The following CCNH variants were observed in gnomAD, a reference collection of about 807,000 sequenced individuals.
The protein encoded by CCNH is cyclin-H.
A neutral mutation model predicts 41.9 loss-of-function variants in CCNH; 31 were observed. That is an observed-to-expected ratio of 0.74 (90% CI 0.56 to 1.00). The LOEUF (loss-of-function observed/expected upper bound fraction) is 1.00, where lower values mean the gene tolerates loss of function less well. CCNH is among the 50% of genes least tolerant of loss of function. The probability of loss-of-function intolerance (pLI) is 0.00; values close to 1 mark genes in which losing one functional copy is unlikely to be tolerated. For synonymous variants in CCNH, 138 were observed against 136.1 expected, an observed-to-expected ratio of 1.01 and a Z score of -0.10; for missense variants, 362 against 388.4, an observed-to-expected ratio of 0.93 and a Z score of 0.57.
intron 9 of CCNH, among the ~76,000 whole-genome samples, chr5:87,322,476 C>G (rs1237958302): frequency 2.0e-5 from 3 of 152,212 alleles, no homozygotes; most frequent in Non-Finnish European, 4.4e-5. Context: ...TTGTCTTCCA[C>G]TAAATCAGTC....
chr5:87,334,000 C>T (rs1757776468), intron 9 of CCNH, among the ~76,000 whole-genome samples: 1 of 152,026 alleles, frequency 6.6e-6, no homozygotes, highest in South Asian at 2.1e-4. Flanking sequence ...TTAGTGGGAT[C>T]ATTTAGGACA....
downstream of CCNH, chr5:87,392,820 C>T (rs1350601341): frequency 6.4e-6 from 1 of 155,096 alleles, no homozygotes; most frequent in Non-Finnish European, 1.4e-5. Flanking sequence ...TAAAATCTCT[C>T]ACACTTTAAC....
chr5:87,358,905 T>A (rs1232517949), intron 9 of CCNH, among the ~76,000 whole-genome samples: 1 of 152,104 alleles, frequency 6.6e-6, no homozygotes, highest in Non-Finnish European at 1.5e-5. Context: ...AGCCTCACTC[T>A]TACATCTTTC....
At chr5:87,357,192 GGAAGA>G (rs1035778438) in intron 9 of CCNH, among the ~76,000 whole-genome samples, 2 of 151,612 alleles carry the variant, frequency 1.3e-5, no homozygotes, top group African/African-American at 2.4e-5. Flanking sequence ...CAGAGTAATT[GGAAGA>G]GAAGTTAGCC....
At chr5:87,384,612 C>T (rs973882547) in intron 9 of CCNH, among the ~76,000 whole-genome samples, 4 of 151,964 alleles carry the variant, frequency 2.6e-5, no homozygotes, top group South Asian at 2.1e-4. Flanking sequence ...TCTGGATGTT[C>T]GCCTCAGACA....
Position 87,412,722 on chromosome 5 carries a change from C to A in CCNH, c.73G>T (p.Asp25Tyr), listed in dbSNP as rs1764360635. The change falls in exon 1 of 9, where the codon GAC becomes TAC. Residue 25 changes from aspartate (D) to tyrosine (Y), a missense_variant. Asp to Tyr is a radical substitution (Grantham distance 160, BLOSUM62 -3). Transcript: ENST00000256897. ...SEEQLARLRADANRKFRCKAV... is the reference protein window; with the variant it reads ...SEEQLARLRAYANRKFRCKAV... ...TTGCATCTGAATTTGCGGTTGGCGTCAGCCCGCAGTCTTGCCAGCTGCTCC... is the reference window on the plus strand; with the variant it reads ...TTGCATCTGAATTTGCGGTTGGCGTAAGCCCGCAGTCTTGCCAGCTGCTCC... The A allele has an allele frequency of 6.2e-7, 1 of 1,614,092 alleles. No individual in the cohort carries two copies. The highest frequency in any genetic ancestry group is 1.3e-5 in the African/African-American group (1 of 74,942).
intron 9 of CCNH, among the ~76,000 whole-genome samples, chr5:87,326,909 G>T (rs902033912): frequency 6.6e-6 from 1 of 152,188 alleles, no homozygotes; most frequent in African/African-American, 2.4e-5. Flanking sequence ...CCCCAAATTA[G>T]ATGGAAAGTA....
At chr5:87,366,430 C>A in intron 9 of CCNH, 1 of 368,076 alleles carries the variant, frequency 2.7e-6, no homozygotes, top group Non-Finnish European at 5.5e-6. Context: ...GAAAGAATTG[C>A]CAGAGTAAAA....
chr5:87,374,456 TA>T (rs1374653099), downstream of CCNH: 15 of 270,270 alleles, frequency 5.6e-5, no homozygotes, highest in African/African-American at 1.8e-4. Context: ...TATATATATA[TA>T]TATTTTTTTT....
chr5:87,331,237 G>GT (rs1561286519), intron 9 of CCNH: 1 of 1,179,528 alleles, frequency 8.5e-7, no homozygotes, highest in Non-Finnish European at 1.3e-6. Context: ...AAATGTAAAT[G>GT]TTTAAGTTAC....
chr5:87,319,405 A>G (rs1020850975), intron 9 of CCNH, among the ~76,000 whole-genome samples: 3 of 152,168 alleles, frequency 2.0e-5, no homozygotes, highest in Admixed American at 1.3e-4. Context: ...TCCTGCCTGG[A>G]CATCCAGGCA....
intron 9 of CCNH, among the ~76,000 whole-genome samples, chr5:87,362,915 T>G (rs928267467): frequency 3.3e-5 from 5 of 151,674 alleles, no homozygotes; most frequent in African/African-American, 9.6e-5. Flanking sequence ...TCTTTTTTTT[T>G]TTTGAGGAAC....
downstream of CCNH, chr5:87,389,648 A>T: frequency 7.7e-7 from 1 of 1,300,096 alleles, no homozygotes; most frequent in South Asian, 1.2e-5. Flanking sequence ...GAGACTCTGC[A>T]TCATATTACA....
chr5:87,391,552 CTG>C (rs1423192453), downstream of CCNH: 11 of 237,392 alleles, frequency 4.6e-5, no homozygotes, highest in Non-Finnish European at 8.3e-5. Context: ...TTGTCAAAGA[CTG>C]TATTTAGATC....
At chr5:87,390,359 A>G (rs1762411174), downstream of CCNH, among the ~76,000 whole-genome samples, 1 of 152,132 alleles carries the variant, frequency 6.6e-6, no homozygotes, top group Non-Finnish European at 1.5e-5. Flanking sequence ...GGATTAAAGC[A>G]TTGAGTTTGG....
At chr5:87,320,980 T>C (rs774820164) in intron 9 of CCNH, among the ~76,000 whole-genome samples, 9 of 152,216 alleles carry the variant, frequency 5.9e-5, no homozygotes, top group African/African-American at 1.2e-4. Flanking sequence ...TTATTTGTTA[T>C]TGAATAGCAA....
upstream of CCNH, chr5:87,380,483 TTGAGA>T: frequency 1.3e-6 from 2 of 1,573,096 alleles, no homozygotes; most frequent in South Asian, 2.2e-5. Context: ...GCTTTCTGTG[TTGAGA>T]TGATTGTGTT....
downstream of CCNH, among the ~76,000 whole-genome samples, chr5:87,317,266 CTT>C (rs1042835544): frequency 3.9e-5 from 6 of 152,142 alleles, no homozygotes; most frequent in African/African-American, 1.2e-4. Flanking sequence ...GCGTTCCAGA[CTT>C]TTAATAAATT....
intron 7 of CCNH, among the ~76,000 whole-genome samples, chr5:87,397,651 A>T (rs1004390122): frequency 6.6e-6 from 1 of 152,134 alleles, no homozygotes; most frequent in African/African-American, 2.4e-5. Context: ...GTACTCATAG[A>T]TATTCAGAAT....
Sources: gnomAD v4.1 joint callset for allele counts (sites outside exome capture counted in the v4.1 genomes callset) on GRCh38, gnomAD v4.1.1 for gene constraint, MANE v1.5 for transcripts, NCBI Gene and HGNC (gene_info 2026-07-23, HGNC 2026-07-21) for gene names.